ZNF831: variants seen among roughly 807,000 people sequenced by gnomAD.
The protein encoded by ZNF831 is chromosome 20 open reading frame 174.
ZNF831 carries 59 observed loss-of-function variants against 95.8 expected under a neutral mutation model. The observed-to-expected ratio is 0.62, with a 90% CI of 0.50 to 0.77. ZNF831 has a LOEUF of 0.77. Ranked by LOEUF, ZNF831 falls within the 30% of genes least tolerant of loss-of-function variation. ZNF831 has a pLI of 0.00. For synonymous variants in ZNF831, 961 were observed against 925.5 expected, an observed-to-expected ratio of 1.04 and a Z score of -0.70; for missense variants, 2,205 against 2,164.0, an observed-to-expected ratio of 1.02 and a Z score of -0.38.
chr20:59,176,590 AC>A (rs1353295687), intron 1 of ZNF831, among the ~76,000 whole-genome samples: 2 of 151,980 alleles, frequency 1.3e-5, no homozygotes, highest in East Asian at 1.9e-4. Context: ...TTTCTGAGTA[AC>A]CCCCCTAGAC....
At chr20:59,186,163 G>A (rs1422392999) in intron 1 of ZNF831, among the ~76,000 whole-genome samples, 5 of 152,216 alleles carry the variant, frequency 3.3e-5, no homozygotes. Context: ...GTCACCCACA[G>A]TGGGGACTTG....
chr20:59,194,570 C>A lies in ZNF831; in HGVS notation c.3551C>A (p.Thr1184Lys), dbSNP rs750421316. 2 of 1,607,762 alleles carry A rather than the reference C, an allele frequency of 1.2e-6. No homozygotes were observed. Among genetic ancestry groups the A allele is most frequent in the Non-Finnish European group, 1.7e-6 (2 of 1,176,584 alleles). The change falls in exon 2 of 6, where the codon ACG (threonine) becomes AAG (lysine). Residue 1184 changes from threonine to lysine, a missense_variant. By Grantham distance (78) the Thr-to-Lys change is moderately conservative (BLOSUM62 -1). Transcript: ENST00000371030. ...FPSLKAEPRLTWCCLSRSVPL... is the reference protein window; with the variant it reads ...FPSLKAEPRLKWCCLSRSVPL... ...TCACTGAAGGCTGAGCCGCGGCTCA[C>A]GTGGTGTTGCCTGAGCCGCAGTGTC...
rs760622841 is a variant in ZNF831, at chr20:59,194,554, GCTGAGCCGCGGCTCACGTGGTGTTGC to G, written c.3545_3570del (p.Arg1182GlnfsTer24). 6.8e-6 allele frequency: 11 copies of G among 1,606,068 alleles called. No individual in the cohort carries two copies. The highest frequency in any genetic ancestry group is 1.7e-5 in the Admixed American group (1 of 59,248). ...CCAAAACCCCTTTCCCTCACTGAAG[GCTGAGCCGCGGCTCACGTGGTGTTGC>G]CTGAGCCGCAGTGTCCCTCTGCCCG... On this transcript the variant is annotated frameshift_variant, in exon 2 of 6. Coordinates refer to ENST00000371030, the MANE Select transcript of ZNF831 (RefSeq NM_178457.3). LOFTEE classifies it high-confidence loss of function.
chr20:59,157,024 G>A (rs1220381706), intron 2 of ZNF831, among the ~76,000 whole-genome samples: 3 of 152,056 alleles, frequency 2.0e-5, no homozygotes, highest in Non-Finnish European at 4.4e-5. Flanking sequence ...ACCACATCAG[G>A]GTAAATGGTG....
chr20:59,136,750 C>T (rs1568722015), intron 1 of ZNF831, among the ~76,000 whole-genome samples: 1 of 152,206 alleles, frequency 6.6e-6, no homozygotes, highest in East Asian at 1.9e-4. Flanking sequence ...GCAGAGGCTA[C>T]AAGTTGTCCC....
At chr20:59,125,418 G>A (rs958391440) in intron 1 of ZNF831, among the ~76,000 whole-genome samples, 1 of 152,178 alleles carries the variant, frequency 6.6e-6, no homozygotes, top group African/African-American at 2.4e-5. Context: ...TGGGGAGCTT[G>A]TGGGAAATGC....
intron 1 of ZNF831, among the ~76,000 whole-genome samples, chr20:59,183,665 A>G (rs16982520): frequency 0.13 from 20,047 of 152,186 alleles, 1,455 homozygotes; most frequent in African/African-American, 0.17. Context: ...TTCTTGGCTG[A>G]TGAGGATAAC....
rs1273721000 is a variant in ZNF831 at position 59,208,607 on chromosome 20, G to T, written c.4027+1551G>T. Among the ~76,000 whole-genome samples, 2 of 152,154 alleles carry T rather than the reference G, an allele frequency of 1.3e-5. No homozygotes were observed. Among genetic ancestry groups the T allele is most frequent in the Non-Finnish European group, 2.9e-5 (2 of 68,014 alleles). ...TTGTGCACAGAATTGTGTGTGTGTG[G>T]GTGACTTCCAGAGGCATGGGAACTC... On this transcript the variant is annotated intron_variant, in intron 4 of 5. Coordinates refer to ENST00000371030, the MANE Select transcript of ZNF831 (RefSeq NM_178457.3). This position sits in a 1 kb window ranked among gnomAD's most constrained non-coding sequence, Gnocchi z 4.2.
At chr20:59,184,077 C>T (rs898631207) in intron 1 of ZNF831, among the ~76,000 whole-genome samples, 12 of 152,172 alleles carry the variant, frequency 7.9e-5, no homozygotes, top group African/African-American at 2.9e-4. Flanking sequence ...TTCACTGTCT[C>T]CATAGTTTTG....
chr20:59,192,829 G>A lies in ZNF831; in HGVS notation c.1810G>A (p.Gly604Ser), dbSNP rs756858166. The change falls in exon 2 of 6, where the codon GGC (glycine) becomes AGC (serine). Residue 604 changes from glycine to serine, a missense_variant. Transcript: ENST00000371030. This position sits in a 1 kb window ranked among gnomAD's most constrained non-coding sequence, Gnocchi z 5.2. Reference sequence around the variant, plus strand: ...CATGGCCGGCAAGGGCAGAGCGGGCGGCAGGAAGTGCGGCCAGAGAAGGCT... The same window carrying A: ...CATGGCCGGCAAGGGCAGAGCGGGCAGCAGGAAGTGCGGCCAGAGAAGGCT... The part of the protein sequence containing the change: ...EAMAGKGRAG[G>S]RKCGQRRLKM... 57 of 1,608,524 alleles carry A rather than the reference G, an allele frequency of 3.5e-5. 3 individuals are homozygous for A. The South Asian group carries it at 6.1e-4, about 17-fold the overall frequency.
chr20:59,159,829 G>A (rs1980753026), upstream of ZNF831: 1 of 152,344 alleles, frequency 6.6e-6, no homozygotes, highest in African/African-American at 2.4e-5. Context: ...CACAGGACAA[G>A]GCATGACAGC....
intron 4 of ZNF831, among the ~76,000 whole-genome samples, chr20:59,207,999 C>T (rs931036297): frequency 6.6e-6 from 1 of 152,268 alleles, no homozygotes; most frequent in African/African-American, 2.4e-5. Flanking sequence ...CCCCAACCCC[C>T]AGAGCCTTCC....
intron 1 of ZNF831, among the ~76,000 whole-genome samples, chr20:59,145,962 G>A (rs1216304587): frequency 6.6e-6 from 1 of 151,922 alleles, no homozygotes; most frequent in Non-Finnish European, 1.5e-5. Flanking sequence ...CATTTGTACC[G>A]GATGGTTTTG....
At chr20:59,211,867 G>A (rs1167499353) in intron 4 of ZNF831, among the ~76,000 whole-genome samples, 1 of 152,006 alleles carries the variant, frequency 6.6e-6, no homozygotes, top group Non-Finnish European at 1.5e-5. Context: ...TGTTTTCCAT[G>A]GCAGGACAAT....
chr20:59,132,558 C>T (rs236722), intron 1 of ZNF831, among the ~76,000 whole-genome samples: 140,537 of 152,258 alleles, frequency 0.92, 65,335 homozygotes, highest in Non-Finnish European at 0.98. Flanking sequence ...GACATCTCAT[C>T]TTCACCTGCT....
chr20:59,136,367 AT>A (rs923546666), intron 1 of ZNF831, among the ~76,000 whole-genome samples: 3 of 152,236 alleles, frequency 2.0e-5, no homozygotes, highest in Non-Finnish European at 4.4e-5. Flanking sequence ...TGTAACCTTA[AT>A]TCCATCTGCA....
At chr20:59,141,255 G>GT (rs566470060) in intron 1 of ZNF831, among the ~76,000 whole-genome samples, 8 of 152,128 alleles carry the variant, frequency 5.3e-5, no homozygotes, top group African/African-American at 1.7e-4. Flanking sequence ...TATTGATTGT[G>GT]TTTTTTTGTG....
In ZNF831 at chr20:59,254,194, T is replaced by A; in HGVS notation, c.4485T>A (p.Ile1495=). Residue 1495 remains isoleucine, a synonymous_variant, in exon 6 of 6, where the codon ATT becomes ATA. Transcript: ENST00000371030. This position sits in a 1 kb window ranked among gnomAD's most constrained non-coding sequence, Gnocchi z 4.5. ...DIATSVAAVC[I]SLPVRTDHIA... ...CTACCTCTGTGGCTGCCGTTTGTAT[T>A]TCTCTGCCAGTGAGAACAGATCACA... The A allele has an allele frequency of 3.7e-6, 6 of 1,614,098 alleles. No individual in the cohort carries two copies. Among genetic ancestry groups the A allele is most frequent in the Non-Finnish European group, 5.1e-6 (6 of 1,180,012 alleles).
intron 1 of ZNF831, among the ~76,000 whole-genome samples, chr20:59,130,747 G>C (rs1199099980): frequency 6.6e-6 from 1 of 152,158 alleles, no homozygotes; most frequent in African/African-American, 2.4e-5. Context: ...TGTGCCTTTG[G>C]TGTTTAATGG....
Sources: allele counts gnomAD v4.1 joint callset (sites outside exome capture counted in the v4.1 genomes callset), GRCh38; gene constraint gnomAD v4.1.1; non-coding constraint Gnocchi (gnomAD v3.1); transcripts MANE v1.5; gene names NCBI Gene and HGNC (gene_info 2026-07-23, HGNC 2026-07-21).